The following TENM2 variants were observed in gnomAD, a reference collection of about 807,000 sequenced individuals.
TENM2 encodes teneurin transmembrane protein 2.
TENM2 carries 52 observed loss-of-function variants against 245.2 expected under a neutral mutation model. The ratio of observed to expected loss-of-function variants is 0.21; its 90% CI spans 0.17 to 0.27. TENM2 has a LOEUF of 0.27. Ranked by LOEUF, TENM2 falls within the 10% of genes least tolerant of loss-of-function variation. TENM2 has a pLI of 1.00. For missense variants in TENM2, 3,046 were observed against 3,666.8 expected, an observed-to-expected ratio of 0.83 and a Z score of 4.37; for synonymous variants, 1,363 against 1,438.9, an observed-to-expected ratio of 0.95 and a Z score of 1.19.
intron 26 of TENM2, among the ~76,000 whole-genome samples, chr5:168,246,363 G>A (rs1426577061): frequency 6.6e-6 from 1 of 152,014 alleles, no homozygotes; most frequent in African/African-American, 2.4e-5. Context: ...CCTTGTTATT[G>A]AGCATGGAGG....
Position 167,614,883 on chromosome 5 carries a change from C to T in TENM2, c.502+239410C>T, listed in dbSNP as rs1004179235. The stretch of plus-strand genomic sequence containing the variant: ...TCCTCCCATTCTTCCACAAGGCAAG[C>T]AGGAAACCCTCCTAGAGTGTGAGAG... On this transcript the variant is annotated intron_variant, in intron 2 of 28. Coordinates refer to ENST00000518659, the Ensembl canonical transcript of TENM2. Among the ~76,000 whole-genome samples the T allele has an allele frequency of 5.3e-5, 8 of 152,120 alleles. No homozygotes were observed. The East Asian group carries it at 1.5e-3, about 29-fold the overall frequency.
rs915213465 is a variant in TENM2 at position 167,329,580 on chromosome 5, A to G, written c.226+44517A>G. Among the ~76,000 whole-genome samples the G allele has an allele frequency of 3.8e-4, 57 of 148,620 alleles. 2 individuals carry two copies. In the South Asian group the frequency reaches 0.011, roughly 30 times the overall value. On this transcript the variant is annotated intron_variant, in intron 1 of 28. Transcript: ENST00000518659. ...AAAAAAAAAAAAAAAAAAAAAAAAA[A>G]GAGGTGGCATACTCCCCTTACGTTT...
At chr5:167,705,650 G>A (rs1036507519) in intron 2 of TENM2, among the ~76,000 whole-genome samples, 1 of 152,096 alleles carries the variant, frequency 6.6e-6, no homozygotes, top group Non-Finnish European at 1.5e-5. Context: ...AGTTCTCCAA[G>A]TGCTCCCTCT....
the TENM2 span, among the ~76,000 whole-genome samples, chr5:167,246,774 C>T: frequency 9.9e-5 from 15 of 151,674 alleles, no homozygotes; most frequent in Non-Finnish European, 1.2e-4. Flanking sequence ...TTGGTTGGCG[C>T]GGGGTGTGGA....
intron 2 of TENM2, among the ~76,000 whole-genome samples, chr5:167,586,773 G>A (rs954084982): frequency 2.6e-4 from 40 of 152,102 alleles, no homozygotes; most frequent in African/African-American, 1.4e-4. Context: ...TTTCCAAAGC[G>A]TTCTGGAATG....
chr5:167,734,763 C>T (rs1425369159), intron 2 of TENM2, among the ~76,000 whole-genome samples: 1 of 152,142 alleles, frequency 6.6e-6, no homozygotes, highest in African/African-American at 2.4e-5. Context: ...ACCTACCGCC[C>T]TCTTTTGCAG....
intron 2 of TENM2, among the ~76,000 whole-genome samples, chr5:167,521,186 T>A (rs376946272): frequency 6.6e-6 from 1 of 152,072 alleles, no homozygotes; most frequent in African/African-American, 2.4e-5. Flanking sequence ...TCAGGATATT[T>A]ATAGCCAGAG....
At chr5:167,640,871 A>ATATATATG (rs1779535379) in intron 2 of TENM2, among the ~76,000 whole-genome samples, 1 of 40,588 alleles carries the variant, frequency 2.5e-5, no homozygotes, top group Non-Finnish European at 3.9e-5. Flanking sequence ...ATATATATAT[A>ATATATATG]TATATATATA....
the TENM2 span, among the ~76,000 whole-genome samples, chr5:167,060,726 TATC>T: frequency 1.3e-5 from 2 of 152,036 alleles, no homozygotes; most frequent in African/African-American, 4.8e-5. Flanking sequence ...CCTAAAATAT[TATC>T]ATTTCAACAT....
At chr5:167,137,459 A>G in the TENM2 span, among the ~76,000 whole-genome samples, 6 of 152,142 alleles carry the variant, frequency 3.9e-5, no homozygotes, top group African/African-American at 9.7e-5. Flanking sequence ...TCCAGCTCTC[A>G]TGTGCCACAC....
At chr5:168,063,226 T>C (rs1790199253) in intron 7 of TENM2, among the ~76,000 whole-genome samples, 1 of 152,178 alleles carries the variant, frequency 6.6e-6, no homozygotes, top group East Asian at 1.9e-4. Flanking sequence ...TCTCTGTGGC[T>C]CCCCTGTACT....
chr5:168,189,197 A>G (rs1332111687), intron 13 of TENM2, among the ~76,000 whole-genome samples: 1 of 152,176 alleles, frequency 6.6e-6, no homozygotes, highest in African/African-American at 2.4e-5. Flanking sequence ...TCCTAATACC[A>G]TCACATTGGG....
At chr5:168,093,059 G>T (rs1048965076) in intron 8 of TENM2, among the ~76,000 whole-genome samples, 2 of 152,192 alleles carry the variant, frequency 1.3e-5, no homozygotes, top group African/African-American at 4.8e-5. Context: ...GCCAGGAAAA[G>T]GTGAAATCAG....
At position 167,418,268 on chromosome 5, in the gene TENM2, G is replaced by C. The variant is rs1175328963; in HGVS notation, c.502+42795G>C. ...TGCTTGAACCCCGGAGGTGGAGGTT[G>C]AGGTGAGCCGAGATTGTGCCATTGC... On this transcript the variant is annotated intron_variant, in intron 2 of 28. Transcript: ENST00000518659. Among the ~76,000 whole-genome samples the C allele has an allele frequency of 2.6e-5, 4 of 151,342 alleles. No homozygotes were observed. In the East Asian group the frequency reaches 7.8e-4, roughly 30 times the overall value.
chr5:167,128,809 A>T, the TENM2 span, among the ~76,000 whole-genome samples: 1 of 152,196 alleles, frequency 6.6e-6, no homozygotes. Flanking sequence ...AACAGAGATC[A>T]TGTTACATTC....
the TENM2 span, among the ~76,000 whole-genome samples, chr5:167,203,437 C>A: frequency 6.6e-6 from 1 of 152,188 alleles, no homozygotes; most frequent in East Asian, 1.9e-4. Context: ...AGAACTGACC[C>A]CATGCTCCCC....
At chr5:167,463,511 T>A (rs574251449) in intron 2 of TENM2, among the ~76,000 whole-genome samples, 34 of 152,206 alleles carry the variant, frequency 2.2e-4, no homozygotes, top group Middle Eastern at 3.4e-3. Context: ...ATTTTATTTT[T>A]TTTTGAGGCA....
At chr5:167,104,815 T>TA in the TENM2 span, among the ~76,000 whole-genome samples, 1 of 152,140 alleles carries the variant, frequency 6.6e-6, no homozygotes, top group Non-Finnish European at 1.5e-5. Flanking sequence ...CTCCACCATT[T>TA]AAAAAATATA....
chr5:168,061,271 G>T (rs374179433), intron 6 of TENM2, among the ~76,000 whole-genome samples: 4 of 152,208 alleles, frequency 2.6e-5, no homozygotes, highest in African/African-American at 7.2e-5. Context: ...TGATTAACTT[G>T]CTTTTCTTGG....
Sources: allele counts gnomAD v4.1 joint callset (sites outside exome capture counted in the v4.1 genomes callset), GRCh38; gene constraint gnomAD v4.1.1; transcripts MANE v1.5; gene names NCBI Gene and HGNC (gene_info 2026-07-23, HGNC 2026-07-21).